The following DDAH1 variants were observed in gnomAD, a reference collection of about 807,000 sequenced individuals.
DDAH1 encodes the protein dimethylarginine dimethylaminohydrolase 1.
In DDAH1, 19 loss-of-function variants were observed where a neutral mutation model predicts 28.8. The ratio of observed to expected loss-of-function variants is 0.66; its 90% CI spans 0.46 to 0.97. The LOEUF (loss-of-function observed/expected upper bound fraction) is 0.97. Among genes scored for constraint, DDAH1 ranks in the 50% least tolerant of loss-of-function variants. The probability of loss-of-function intolerance (pLI) is 0.00; values close to 1 mark genes in which losing one functional copy is unlikely to be tolerated. For missense variants in DDAH1, 326 were observed against 375.9 expected (o/e 0.87, Z 1.10); for synonymous variants, 153 against 154.4 (o/e 0.99, Z 0.07).
In DDAH1 at chr1:85,443,046, C is replaced by G. The variant is rs1195708592; in HGVS notation, c.303+21697G>C. ...TTTAGTTTAATTAGATCCCATTTGT[C>G]AATTTTGGCTTTTGTTGCCATTGCT... On this transcript the variant is annotated intron_variant, in intron 1 of 5. Coordinates refer to ENST00000284031, the MANE Select transcript of DDAH1 (RefSeq NM_012137.4). Among the ~76,000 whole-genome samples, 7 of 152,168 alleles carry G rather than the reference C, an allele frequency of 4.6e-5. No individual in the cohort carries two copies. In the East Asian group the frequency reaches 1.3e-3, roughly 29 times the overall value.
chr1:85,415,836 C>A (rs913883482), intron 1 of DDAH1, among the ~76,000 whole-genome samples: 1 of 152,128 alleles, frequency 6.6e-6, no homozygotes, highest in Non-Finnish European at 1.5e-5. Context: ...AATAAGTATA[C>A]AGGTATTCAT....
At chr1:85,490,328 G>T (rs1026836954) in intron 2 of DDAH1, among the ~76,000 whole-genome samples, 1 of 152,108 alleles carries the variant, frequency 6.6e-6, no homozygotes, top group African/African-American at 2.4e-5. Flanking sequence ...TGAAATGAGT[G>T]GGAAAATAAT....
At chr1:85,555,908 T>A (rs1258263358) in intron 1 of DDAH1, among the ~76,000 whole-genome samples, 1 of 152,222 alleles carries the variant, frequency 6.6e-6, no homozygotes, top group Non-Finnish European at 1.5e-5. Flanking sequence ...TTAAGCATTA[T>A]ATAAATACAC....
At chr1:85,353,364 C>T (rs965282405) in intron 2 of DDAH1, among the ~76,000 whole-genome samples, 2 of 152,004 alleles carry the variant, frequency 1.3e-5, no homozygotes, top group Admixed American at 6.6e-5. Flanking sequence ...GAAGAGTAGC[C>T]ATGCAGAAGT....
At chr1:85,466,832 C>CTTTTTTTTTTTTTTTTTTT (rs10675813), upstream of DDAH1, among the ~76,000 whole-genome samples, 99 of 70,718 alleles carry the variant, frequency 1.4e-3, 15 homozygotes, top group Admixed American at 1.9e-3. Flanking sequence ...ATTATTTATT[C>CTTTTTTTTTTTTTTTTTTT]TTTTTTTTTT....
intron 1 of DDAH1, among the ~76,000 whole-genome samples, chr1:85,425,060 C>G (rs1315250883): frequency 2.0e-5 from 3 of 151,994 alleles, no homozygotes; most frequent in African/African-American, 7.2e-5. Context: ...TTATTGAGAT[C>G]ATACAGTATC....
intron 1 of DDAH1, among the ~76,000 whole-genome samples, chr1:85,569,863 T>C (rs1401205186): frequency 6.6e-6 from 1 of 152,244 alleles, no homozygotes; most frequent in Non-Finnish European, 1.5e-5. Context: ...GCTCTTCAGC[T>C]TCTCTTGTTT....
chr1:85,558,464 T>G (rs1172055446), intron 1 of DDAH1, among the ~76,000 whole-genome samples: 1 of 152,214 alleles, frequency 6.6e-6, no homozygotes, highest in East Asian at 1.9e-4. Context: ...TTCCATTAGG[T>G]GGGATGCCTA....
chr1:85,381,747 T>C (rs1348729362), intron 1 of DDAH1, among the ~76,000 whole-genome samples: 1 of 152,142 alleles, frequency 6.6e-6, no homozygotes, highest in Admixed American at 6.6e-5. Context: ...TGAAGGTTTG[T>C]AGCAAACCCG....
At chr1:85,480,417 T>C (rs1157493935) in intron 2 of DDAH1, among the ~76,000 whole-genome samples, 1 of 152,208 alleles carries the variant, frequency 6.6e-6, no homozygotes, top group East Asian at 1.9e-4. Context: ...GCTAACGATC[T>C]GATTAAGAAA....
intron 2 of DDAH1, among the ~76,000 whole-genome samples, chr1:85,477,696 A>G (rs539637203): frequency 6.6e-6 from 1 of 152,008 alleles, no homozygotes; most frequent in Non-Finnish European, 1.5e-5. Context: ...ATAGTATATT[A>G]TGATGTGAAA....
intron 2 of DDAH1, among the ~76,000 whole-genome samples, chr1:85,354,421 C>A (rs147004098): frequency 3.4e-4 from 52 of 152,176 alleles, no homozygotes; most frequent in Non-Finnish European, 5.7e-4. Flanking sequence ...TCCTGTCAAG[C>A]TTTCATATAG....
intron 1 of DDAH1, among the ~76,000 whole-genome samples, chr1:85,520,974 G>A (rs1336053485): frequency 6.6e-6 from 1 of 152,168 alleles, no homozygotes; most frequent in East Asian, 1.9e-4. Flanking sequence ...AATGGGAAAT[G>A]CTGATGGAGA....
intron 1 of DDAH1, among the ~76,000 whole-genome samples, chr1:85,420,664 A>G (rs1557608340): frequency 6.6e-6 from 1 of 152,216 alleles, no homozygotes; most frequent in African/African-American, 2.4e-5. Flanking sequence ...TACCACTGTC[A>G]GCATTTTGGT....
intron 1 of DDAH1, among the ~76,000 whole-genome samples, chr1:85,382,360 T>C (rs1651038554): frequency 6.6e-6 from 1 of 152,234 alleles, no homozygotes; most frequent in Non-Finnish European, 1.5e-5. Flanking sequence ...CTACGAGATC[T>C]GAGAAGAGGT....
chr1:85,408,298 T>A (rs1652500893), intron 1 of DDAH1, among the ~76,000 whole-genome samples: 1 of 151,918 alleles, frequency 6.6e-6, no homozygotes, highest in Non-Finnish European at 1.5e-5. Context: ...TCTTCCTTTT[T>A]TTTTTTTTAT....
intron 1 of DDAH1, among the ~76,000 whole-genome samples, chr1:85,512,583 T>C (rs1275143369): frequency 1.3e-5 from 2 of 152,162 alleles, no homozygotes; most frequent in Admixed American, 6.5e-5. Flanking sequence ...GAGGACATGA[T>C]TGTATATTTA....
Position 85,464,589 on chromosome 1 carries a change from G to GACACAC in DDAH1, c.303+148_303+153dup, listed in dbSNP as rs4001153. On this transcript the variant is annotated intron_variant, in intron 1 of 5. Coordinates refer to ENST00000284031, the MANE Select transcript of DDAH1 (RefSeq NM_012137.4). The surrounding 1 kb of genome is among the most constrained non-coding windows in gnomAD (Gnocchi z 4.4). The stretch of plus-strand genomic sequence containing the variant: ...ACAATGAACTTCTCTCTGACTCTCT[G>GACACAC]ACACACACACACACACACACACTCG... The GACACAC allele has an allele frequency of 6.9e-5, 95 of 1,375,916 alleles. No individual in the cohort carries two copies. The highest frequency in any genetic ancestry group is 6.5e-4 in the African/African-American group (46 of 70,406). 85.2% of individuals were successfully genotyped at this position (1,375,916 alleles called of 1,614,324 possible). A position where few individuals can be genotyped will look rare whatever the true frequency, so the allele number is the denominator to read the frequency against.
intron 4 of DDAH1, among the ~76,000 whole-genome samples, chr1:85,332,294 C>G (rs1647825169): frequency 6.6e-6 from 1 of 152,144 alleles, no homozygotes; most frequent in Non-Finnish European, 1.5e-5. Flanking sequence ...GTGGCAGGGT[C>G]TCCAGAACTC....
Sources: gnomAD v4.1 joint callset for allele counts (sites outside exome capture counted in the v4.1 genomes callset) on GRCh38, gnomAD v4.1.1 for gene constraint, Gnocchi (gnomAD v3.1) non-coding constraint, MANE v1.5 for transcripts, NCBI Gene and HGNC (gene_info 2026-07-23, HGNC 2026-07-21) for gene names.